Variants in FBXO10 observed in about 807,000 individuals in gnomAD.
FBXO10 encodes the protein F-box protein 10.
In FBXO10, 39 loss-of-function variants were observed where a neutral mutation model predicts 80.7. The ratio of observed to expected loss-of-function variants is 0.48; its 90% CI spans 0.37 to 0.63. The LOEUF (loss-of-function observed/expected upper bound fraction) is 0.63, where lower values mean the gene tolerates loss of function less well. Among genes scored for constraint, FBXO10 ranks in the 30% least tolerant of loss-of-function variants. The pLI is 0.00. For synonymous variants in FBXO10, 449 were observed against 489.6 expected, an observed-to-expected ratio of 0.92 and a Z score of 1.09; for missense variants, 1,025 against 1,269.0, an observed-to-expected ratio of 0.81 and a Z score of 2.92.
chr9:37,518,497 G>A, intron 8 of FBXO10, 59 bp from the exon 9 acceptor site: 1 of 1,428,154 alleles, frequency 7.0e-7, no homozygotes, highest in African/African-American at 1.4e-5. Flanking sequence ...GACACCACCA[G>A]TCAGGAAAAG....
At chr9:37,529,405 G>T (rs1330716613) in intron 4 of FBXO10, 145 bp from the exon 5 acceptor site, 3 of 845,676 alleles carry the variant, frequency 3.5e-6, no homozygotes, top group Non-Finnish European at 5.5e-6. Flanking sequence ...GTGACAAAGG[G>T]AATGGGTCAC....
rs115295188 is a variant in FBXO10, at chr9:37,575,390, C to T, written c.-7+821G>A. 557 of 152,318 alleles carry T rather than the reference C, an allele frequency of 3.7e-3. 3 individuals are homozygous for T. The highest frequency in any genetic ancestry group is 0.013 in the African/African-American group (526 of 41,558). The allele number at this position is 152,318 out of a possible 1,614,324, so 9.4% of individuals were successfully genotyped here. ...ATGTGATTATTCTGCTGAAAAAGCC[C>T]TTCACGTGGGGCAATCTCTAGCTTA... On this transcript the variant is annotated intron_variant, in intron 1 of 10. Coordinates refer to ENST00000432825, the MANE Select transcript of FBXO10 (RefSeq NM_012166.3).
intron 1 of FBXO10, among the ~76,000 whole-genome samples, chr9:37,565,921 C>G (rs1458788550): frequency 6.6e-6 from 1 of 152,226 alleles, no homozygotes; most frequent in East Asian, 1.9e-4. Context: ...AAACCTTCAG[C>G]TGGGCTTAGG....
chr9:37,513,926 T>C (rs1421585751), intron 10 of FBXO10, among the ~76,000 whole-genome samples: 3 of 152,048 alleles, frequency 2.0e-5, no homozygotes, highest in Admixed American at 6.6e-5. Flanking sequence ...AAAATGCAAA[T>C]CTATGGGGGA....
At chr9:37,525,804 G>T (rs1181417554) in intron 5 of FBXO10, among the ~76,000 whole-genome samples, 1 of 152,114 alleles carries the variant, frequency 6.6e-6, no homozygotes, top group Non-Finnish European at 1.5e-5. Context: ...CTCCTAAAGT[G>T]CTGGGATTAC....
chr9:37,512,426 G>A lies in FBXO10; in HGVS notation c.*121C>T. The A allele has an allele frequency of 1.9e-6, 2 of 1,054,270 alleles. No individual in the cohort carries two copies. The highest frequency in any genetic ancestry group is 3.2e-5 in the South Asian group (2 of 62,422). 65.3% of individuals were successfully genotyped at this position (1,054,270 alleles called of 1,614,324 possible). Reference sequence around the variant, plus strand: ...AAGTGTTCTGGAGGTACCGTGTTTTGGAGGCCCGGGACCCATTTGTTCGAG... The same window carrying A: ...AAGTGTTCTGGAGGTACCGTGTTTTAGAGGCCCGGGACCCATTTGTTCGAG... On this transcript the variant is annotated 3_prime_UTR_variant, in exon 11 of 11. Transcript: ENST00000432825.
intron 5 of FBXO10, among the ~76,000 whole-genome samples, chr9:37,527,588 G>C (rs746992781): frequency 6.6e-6 from 1 of 152,084 alleles, no homozygotes; most frequent in Admixed American, 6.5e-5. Context: ...CTGAGATCAC[G>C]GCTGAGTTCC....
In FBXO10 at chr9:37,569,199, T is replaced by C. The variant is rs556058462; in HGVS notation, c.-7+7012A>G. The stretch of plus-strand genomic sequence containing the variant: ...ACAGTTACAGAAAAGATGCAACTAA[T>C]GGAAAAAAAATACCTTGTGTAGATT... On this transcript the variant is annotated intron_variant, in intron 1 of 10. Coordinates refer to ENST00000432825, the MANE Select transcript of FBXO10 (RefSeq NM_012166.3). Among the ~76,000 whole-genome samples the C allele has an allele frequency of 8.4e-4, 126 of 150,194 alleles. 1 individual carries two copies. Among genetic ancestry groups the C allele is most frequent in the African/African-American group, 3.0e-3 (122 of 40,948 alleles).
intron 4 of FBXO10, among the ~76,000 whole-genome samples, chr9:37,530,315 T>C (rs77388101): frequency 0.027 from 4,126 of 152,320 alleles, 73 homozygotes; most frequent in Middle Eastern, 0.071. Context: ...CCTGAAGGAT[T>C]TGGCAGGCTC....
chr9:37,565,370 C>A (rs1822578171), intron 1 of FBXO10, among the ~76,000 whole-genome samples: 2 of 152,162 alleles, frequency 1.3e-5, no homozygotes, highest in Admixed American at 6.5e-5. Context: ...GGAAACAAAC[C>A]AATAATAATG....
At chr9:37,523,610 C>A (rs543145994) in intron 6 of FBXO10, among the ~76,000 whole-genome samples, 39 of 152,036 alleles carry the variant, frequency 2.6e-4, no homozygotes, top group Middle Eastern at 3.4e-3. Context: ...AACCAACCAA[C>A]CAAACAAAAA....
At position 37,512,605 on chromosome 9, in the gene FBXO10, G is replaced by A; in HGVS notation, c.2813C>T (p.Thr938Ile). The A allele has an allele frequency of 6.2e-7, 1 of 1,614,034 alleles. No individual in the cohort carries two copies. Among genetic ancestry groups the A allele is most frequent in the Non-Finnish European group, 8.5e-7 (1 of 1,179,890 alleles). Residue 938 changes from threonine (T) to isoleucine (I), a missense_variant, in exon 11 of 11, where the codon ACA becomes ATA. Thr to Ile is a moderately conservative substitution (Grantham distance 89). Coordinates refer to ENST00000432825, the MANE Select transcript of FBXO10 (RefSeq NM_012166.3). ...QKVTAMATRI[T>I]ARVEGGYHSN... ...GTGGTAACCACCTTCCACCCGGGCT[G>A]TGATCCTCGTTGCCATGGCTGTCAC...
At chr9:37,519,351 A>G (rs1821268892) in intron 8 of FBXO10, among the ~76,000 whole-genome samples, 2 of 152,240 alleles carry the variant, frequency 1.3e-5, no homozygotes, top group South Asian at 2.1e-4. Context: ...CACTAGGTAC[A>G]TGAGGAGAAA....
chr9:37,517,934 G>A (rs1399139635), intron 9 of FBXO10, among the ~76,000 whole-genome samples, 191 bp downstream of exon 9: 1 of 151,864 alleles, frequency 6.6e-6, no homozygotes, highest in African/African-American at 2.4e-5. Context: ...TCATCCTTCA[G>A]GACTCAGCTT....
intron 1 of FBXO10, among the ~76,000 whole-genome samples, chr9:37,569,660 A>G (rs1180862432): frequency 6.6e-6 from 1 of 152,246 alleles, no homozygotes. Flanking sequence ...GTATCAAGAA[A>G]TTTCAAAGGA....
intron 9 of FBXO10, 33 bp from the exon 10 acceptor site, chr9:37,516,118 A>G (rs374397868): frequency 1.9e-6 from 3 of 1,595,424 alleles, no homozygotes; most frequent in Non-Finnish European, 2.6e-6. Context: ...GTCACACCTC[A>G]GGGATTCACA....
At chr9:37,552,702 A>G (rs2119158222) in intron 1 of FBXO10, among the ~76,000 whole-genome samples, 1 of 152,074 alleles carries the variant, frequency 6.6e-6, no homozygotes. Context: ...AAAAAAAAAA[A>G]AAAAAAAAAA....
chr9:37,537,616 T>A lies in FBXO10; in HGVS notation c.913A>T (p.Ser305Cys). The stretch of plus-strand genomic sequence containing the variant: ...ATAACAATGTCACAGGTCTTTGGGC[T>A]CCAGGCCTGGTCCCGGCTCTCTAGG... ...LDLESRDQAW[S>C]PKTCDIVIEG... is the part of the protein sequence containing the mutation. The change falls in exon 3 of 11, where the codon AGC (serine) becomes TGC (cysteine). Residue 305 changes from serine to cysteine, a missense_variant. By Grantham distance (112) the Ser-to-Cys change is moderately radical. This residue lies in a region of FBXO10 where 450 missense variants were observed against 499.4 expected (regional missense o/e 0.90). Transcript: ENST00000432825. 6.2e-7 allele frequency: 1 copy of A among 1,613,956 alleles called. No individual in the cohort carries two copies.
chr9:37,523,386 A>C (rs1977448), intron 6 of FBXO10, among the ~76,000 whole-genome samples: 151,403 of 152,072 alleles, frequency 1, 75,370 homozygotes, highest in Middle Eastern at 1. Flanking sequence ...CCTGTCTCTA[A>C]AAAAAAATAC....
Sources: allele counts gnomAD v4.1 joint callset (sites outside exome capture counted in the v4.1 genomes callset), GRCh38; gene constraint gnomAD v4.1.1; regional missense constraint gnomAD v4.1.1; transcripts MANE v1.5; gene names NCBI Gene and HGNC (gene_info 2026-07-23, HGNC 2026-07-21).